The following ZFPM2 variants were observed in gnomAD, a reference collection of about 807,000 sequenced individuals.
ZFPM2 encodes zinc finger protein, FOG family member 2.
A neutral mutation model predicts 98.6 loss-of-function variants in ZFPM2; 20 were observed. The observed-to-expected ratio is 0.20, with a 90% confidence interval of 0.14 to 0.29. The LOEUF (loss-of-function observed/expected upper bound fraction) is 0.29, where lower values mean the gene tolerates loss of function less well. Ranked by LOEUF, ZFPM2 falls within the 10% of genes least tolerant of loss-of-function variation. ZFPM2 has a pLI of 1.00. For synonymous variants in ZFPM2, 518 were observed against 502.7 expected (o/e 1.03, Z -0.41); for missense variants, 1,310 against 1,388.6 (o/e 0.94, Z 0.90).
chr8:105,534,337 CCTCACTCT>C (rs903709418), intron 3 of ZFPM2, among the ~76,000 whole-genome samples: 3 of 127,406 alleles, frequency 2.4e-5, no homozygotes, highest in Non-Finnish European at 4.9e-5. Flanking sequence ...TCCCTCACTC[CCTCACTCT>C]CTCATCCCTT....
chr8:105,497,767 G>A (rs1362983516), intron 3 of ZFPM2, among the ~76,000 whole-genome samples: 2 of 152,138 alleles, frequency 1.3e-5, no homozygotes, highest in Non-Finnish European at 2.9e-5. Context: ...GAAGAACTTT[G>A]TGGGATGGAG....
At chr8:105,483,802 T>C (rs1813173021) in intron 3 of ZFPM2, among the ~76,000 whole-genome samples, 2 of 151,308 alleles carry the variant, frequency 1.3e-5, no homozygotes, top group South Asian at 4.2e-4. Flanking sequence ...GGCGCGATCT[T>C]GGCTCACTGC....
intron 5 of ZFPM2, among the ~76,000 whole-genome samples, chr8:105,763,414 GCCAATAC>G (rs895341493): frequency 6.6e-6 from 1 of 151,752 alleles, no homozygotes; most frequent in Non-Finnish European, 1.5e-5. Context: ...GTTTTCTAGG[GCCAATAC>G]CTTCTGGGAC....
intron 5 of ZFPM2, among the ~76,000 whole-genome samples, chr8:105,786,262 C>G (rs1813414858): frequency 6.6e-6 from 1 of 152,106 alleles, no homozygotes; most frequent in African/African-American, 2.4e-5. Flanking sequence ...CCTTGGATAG[C>G]TTGTCTAACT....
At chr8:105,492,740 G>T (rs1563683875) in intron 3 of ZFPM2, among the ~76,000 whole-genome samples, 2 of 152,040 alleles carry the variant, frequency 1.3e-5, no homozygotes, top group African/African-American at 4.8e-5. Flanking sequence ...AATCCTCATC[G>T]AACAATACTG....
At position 105,561,343 on chromosome 8, in the gene ZFPM2, T is replaced by C. The variant is rs1377259264; in HGVS notation, c.302-20T>C. 1 of 1,598,178 alleles carries C rather than the reference T, an allele frequency of 6.3e-7. No individual in the cohort carries two copies. Among genetic ancestry groups the C allele is most frequent in the Non-Finnish European group, 8.6e-7 (1 of 1,166,322 alleles). The stretch of plus-strand genomic sequence containing the variant: ...AAGTACAAGTAAGTATTCTAAACAC[T>C]TCTGTTCCTTTGTCTGCAGGAGAGC... On this transcript the variant is annotated intron_variant, in intron 3 of 7. Transcript: ENST00000407775.
chr8:105,399,562 T>C (rs1233052636), intron 1 of ZFPM2, among the ~76,000 whole-genome samples: 1 of 152,178 alleles, frequency 6.6e-6, no homozygotes, highest in African/African-American at 2.4e-5. Context: ...ACAGGGACTT[T>C]TTCTCCTTTA....
intron 5 of ZFPM2, among the ~76,000 whole-genome samples, chr8:105,770,110 T>A (rs1812948307): frequency 1.3e-5 from 2 of 152,098 alleles, no homozygotes; most frequent in African/African-American, 4.8e-5. Context: ...CTCTCCTTGA[T>A]CTAGTGAGCT....
At chr8:105,788,579 C>G in intron 5 of ZFPM2, 139 bp from the exon 6 acceptor site, 1 of 776,842 alleles carries the variant, frequency 1.3e-6, no homozygotes, top group Non-Finnish European at 2.1e-6. Flanking sequence ...AGGAACACAG[C>G]TGTTGCCTTG....
intron 5 of ZFPM2, among the ~76,000 whole-genome samples, chr8:105,785,735 C>T (rs1813395740): frequency 6.6e-6 from 1 of 152,082 alleles, no homozygotes; most frequent in Admixed American, 6.5e-5. Flanking sequence ...GAGACTCCAT[C>T]TCTACAAAAA....
chr8:105,522,027 A>G (rs941980081), intron 3 of ZFPM2, among the ~76,000 whole-genome samples: 1 of 152,234 alleles, frequency 6.6e-6, no homozygotes, highest in Non-Finnish European at 1.5e-5. Flanking sequence ...ATTCATCCAG[A>G]TATTGTTTCA....
chr8:105,565,990 G>C (rs1369535718), intron 4 of ZFPM2, among the ~76,000 whole-genome samples: 1 of 152,138 alleles, frequency 6.6e-6, no homozygotes, highest in Non-Finnish European at 1.5e-5. Flanking sequence ...ATACCCGGGA[G>C]AGCCAGTGGT....
chr8:105,625,978 A>C (rs1224648403), intron 4 of ZFPM2, among the ~76,000 whole-genome samples: 1 of 151,848 alleles, frequency 6.6e-6, no homozygotes, highest in Non-Finnish European at 1.5e-5. Context: ...CTGGAAAAAA[A>C]AAAAAGAGAA....
intron 6 of ZFPM2, among the ~76,000 whole-genome samples, chr8:105,793,497 T>G (rs1813690591): frequency 6.6e-6 from 1 of 152,184 alleles, no homozygotes. Context: ...AACCCGTCCT[T>G]TCTCTCTGGC....
intron 4 of ZFPM2, among the ~76,000 whole-genome samples, chr8:105,577,086 T>C (rs953365971): frequency 3.3e-5 from 5 of 152,196 alleles, no homozygotes; most frequent in African/African-American, 1.2e-4. Context: ...TATTTCTTTC[T>C]TTAATGTTTT....
At chr8:105,385,317 G>A (rs771016747) in intron 1 of ZFPM2, among the ~76,000 whole-genome samples, 6 of 152,282 alleles carry the variant, frequency 3.9e-5, no homozygotes, top group Non-Finnish European at 7.4e-5. Flanking sequence ...GACCATGGAT[G>A]TTATTTCTGT....
At chr8:105,663,718 G>T (rs1214094493) in intron 5 of ZFPM2, among the ~76,000 whole-genome samples, 2 of 152,208 alleles carry the variant, frequency 1.3e-5, no homozygotes. Flanking sequence ...CTGAGGCACA[G>T]AGAGATAAAG....
chr8:105,548,665 T>C (rs1380983729), intron 3 of ZFPM2, among the ~76,000 whole-genome samples: 2 of 152,180 alleles, frequency 1.3e-5, no homozygotes, highest in East Asian at 3.9e-4. Flanking sequence ...AGGAAAAAGA[T>C]GGTGTATATT....
chr8:105,555,833 GCAGAAA>G (rs1289679780), intron 3 of ZFPM2, among the ~76,000 whole-genome samples: 2 of 152,130 alleles, frequency 1.3e-5, no homozygotes, highest in African/African-American at 4.8e-5. Flanking sequence ...ATTAAGGCAG[GCAGAAA>G]TAGGATGTGT....
Sources: allele counts gnomAD v4.1 joint callset (sites outside exome capture counted in the v4.1 genomes callset), GRCh38; gene constraint gnomAD v4.1.1; transcripts MANE v1.5; gene names NCBI Gene and HGNC (gene_info 2026-07-23, HGNC 2026-07-21).